FCHSD2: variants seen among roughly 807,000 people sequenced by gnomAD.
FCHSD2 encodes F-BAR and double SH3 domains protein 2.
FCHSD2 carries 38 observed loss-of-function variants against 108.1 expected under a neutral mutation model. That is an observed-to-expected ratio of 0.35 (90% confidence interval 0.27 to 0.46). The LOEUF is 0.46. Ranked by LOEUF, FCHSD2 falls within the 20% of genes least tolerant of loss-of-function variation. FCHSD2 has a pLI of 1.00. For missense variants in FCHSD2, 751 were observed against 897.8 expected, an observed-to-expected ratio of 0.84 and a Z score of 2.09; for synonymous variants, 279 against 314.7, an observed-to-expected ratio of 0.89 and a Z score of 1.20.
chr11:72,951,710 C>T (rs1856623190), intron 8 of FCHSD2, among the ~76,000 whole-genome samples: 1 of 152,104 alleles, frequency 6.6e-6, no homozygotes, highest in Non-Finnish European at 1.5e-5. Context: ...ATGGAAGAAA[C>T]AAAATTTTTC....
intron 2 of FCHSD2, among the ~76,000 whole-genome samples, chr11:73,128,363 G>A (rs1039517123): frequency 6.6e-6 from 1 of 152,068 alleles, no homozygotes; most frequent in African/African-American, 2.4e-5. Context: ...ACAATAATGT[G>A]GCAAAAGCTA....
intron 2 of FCHSD2, among the ~76,000 whole-genome samples, chr11:73,097,306 G>A (rs948763033): frequency 4.0e-5 from 6 of 151,406 alleles, no homozygotes; most frequent in African/African-American, 9.7e-5. Flanking sequence ...CCACTTGGTC[G>A]TGGTGGATAA....
intron 5 of FCHSD2, among the ~76,000 whole-genome samples, chr11:72,993,772 G>A (rs144955256): frequency 7.4e-6 from 1 of 134,986 alleles, no homozygotes; most frequent in Non-Finnish European, 1.6e-5. Flanking sequence ...GTGAGGGGAG[G>A]GGGGAGGGAT....
intron 8 of FCHSD2, among the ~76,000 whole-genome samples, chr11:72,960,974 C>A (rs934733542): frequency 2.0e-5 from 3 of 152,118 alleles, no homozygotes; most frequent in Non-Finnish European, 4.4e-5. Flanking sequence ...ATCTAAAGCA[C>A]TTTTTAGTGG....
rs190688332 is a variant in FCHSD2, at chr11:72,881,745, G to A, written c.1146+5725C>T. ...CATTTGCAGCAATATAAATGGAACT[G>A]GAGGTCATTATGTTAAGTGAAATAA... On this transcript the variant is annotated intron_variant, in intron 12 of 19. Transcript: ENST00000409418. Among the ~76,000 whole-genome samples, 18 of 152,330 alleles carry A rather than the reference G, an allele frequency of 1.2e-4. No individual in the cohort carries two copies. In the East Asian group the frequency reaches 3.5e-3, roughly 29 times the overall value.
intron 8 of FCHSD2, among the ~76,000 whole-genome samples, chr11:72,922,480 T>C (rs953092846): frequency 2.0e-5 from 3 of 152,048 alleles, no homozygotes; most frequent in Non-Finnish European, 2.9e-5. Context: ...GTGTAATATC[T>C]ATGAAGGGTT....
At chr11:73,020,945 G>C (rs949740013) in intron 3 of FCHSD2, among the ~76,000 whole-genome samples, 1 of 152,100 alleles carries the variant, frequency 6.6e-6, no homozygotes, top group Non-Finnish European at 1.5e-5. Flanking sequence ...CATGATCATA[G>C]CTCACTGAAG....
chr11:73,077,232 T>A (rs1049626322), intron 3 of FCHSD2, among the ~76,000 whole-genome samples: 3 of 150,912 alleles, frequency 2.0e-5, no homozygotes, highest in Admixed American at 1.3e-4. Flanking sequence ...CAACCCAATT[T>A]AAAAAAAAAT....
chr11:73,031,269 G>A (rs11604996), intron 3 of FCHSD2, among the ~76,000 whole-genome samples: 459 of 152,242 alleles, frequency 3.0e-3, no homozygotes, highest in Non-Finnish European at 5.6e-3. Context: ...CTAGAGCCAA[G>A]TTTGAGACCA....
intron 14 of FCHSD2, among the ~76,000 whole-genome samples, chr11:72,845,632 G>A (rs1008014712): frequency 6.6e-6 from 1 of 152,112 alleles, no homozygotes; most frequent in African/African-American, 2.4e-5. Context: ...AGACCCTGCA[G>A]AGTTTGGTCC....
At chr11:72,983,658 G>T in intron 8 of FCHSD2, 1 of 213,636 alleles carries the variant, frequency 4.7e-6, no homozygotes, top group Non-Finnish European at 9.7e-6. Flanking sequence ...CAAAAATTAT[G>T]CTAAAATGTC....
At chr11:73,129,928 G>A (rs1372472919) in intron 2 of FCHSD2, among the ~76,000 whole-genome samples, 1 of 145,524 alleles carries the variant, frequency 6.9e-6, no homozygotes, top group Non-Finnish European at 1.5e-5. Flanking sequence ...AGGCTGGAGT[G>A]CAGTGGTGTG....
intron 3 of FCHSD2, among the ~76,000 whole-genome samples, chr11:73,057,905 A>C (rs1299822258): frequency 1.3e-5 from 2 of 148,284 alleles, no homozygotes; most frequent in African/African-American, 5.0e-5. Context: ...TTTGAGACAG[A>C]GTCTCGCTCT....
intron 3 of FCHSD2, among the ~76,000 whole-genome samples, chr11:73,059,467 T>C (rs1314199844): frequency 2.6e-5 from 4 of 152,180 alleles, no homozygotes; most frequent in Non-Finnish European, 4.4e-5. Context: ...TCATAAATCA[T>C]AAACATAAAT....
intron 12 of FCHSD2, among the ~76,000 whole-genome samples, chr11:72,870,446 AGGCTCTACCAATTCTTTCAAGATT>A (rs758446906): frequency 8.7e-4 from 133 of 152,274 alleles, no homozygotes; most frequent in Non-Finnish European, 1.5e-3. Flanking sequence ...AAGACTGAAT[AGGCTCTACCAATTCTTTCAAGATT>A]GGCTCTACCA....
intron 3 of FCHSD2, among the ~76,000 whole-genome samples, chr11:73,021,084 C>T (rs549453627): frequency 1.4e-4 from 21 of 152,054 alleles, no homozygotes; most frequent in East Asian, 5.8e-4. Flanking sequence ...CGCTATGTTG[C>T]CCAGGTTGAT....
chr11:72,887,256 AAT>A (rs1855216653), intron 12 of FCHSD2, among the ~76,000 whole-genome samples: 1 of 152,184 alleles, frequency 6.6e-6, no homozygotes, highest in Non-Finnish European at 1.5e-5. Context: ...TTTTGTATTT[AAT>A]GTTTCATGAC....
chr11:72,908,816 C>T (rs1000379102), intron 9 of FCHSD2, among the ~76,000 whole-genome samples: 1 of 152,000 alleles, frequency 6.6e-6, no homozygotes, highest in Non-Finnish European at 1.5e-5. Flanking sequence ...CTATGCCCCG[C>T]TATAGTTTTG....
intron 3 of FCHSD2, among the ~76,000 whole-genome samples, chr11:73,074,910 C>T (rs898135680): frequency 4.6e-5 from 7 of 151,876 alleles, no homozygotes; most frequent in Admixed American, 1.3e-4. Context: ...AGACCCTGTC[C>T]CAAGGATGGA....
Sources: gnomAD v4.1 joint callset for allele counts (sites outside exome capture counted in the v4.1 genomes callset) on GRCh38, gnomAD v4.1.1 for gene constraint, MANE v1.5 for transcripts, NCBI Gene and HGNC (gene_info 2026-07-23, HGNC 2026-07-21) for gene names.